Variants in ZNF385B observed in about 807,000 individuals in gnomAD.
ZNF385B encodes the protein zinc finger protein 533.
Under a neutral mutation model 39.2 loss-of-function variants are expected in ZNF385B, and 23 were observed. The ratio of observed to expected loss-of-function variants is 0.59; its 90% CI spans 0.42 to 0.83. ZNF385B has a LOEUF of 0.83. Ranked by LOEUF, ZNF385B falls within the 40% of genes least tolerant of loss-of-function variation. The pLI, the probability that ZNF385B is intolerant of heterozygous loss-of-function variation, is 0.00. For missense variants in ZNF385B, 552 were observed against 598.9 expected (o/e 0.92, Z 0.82); for synonymous variants, 205 against 222.6 (o/e 0.92, Z 0.70).
At chr2:179,618,518 A>G (rs934814469) in intron 3 of ZNF385B, among the ~76,000 whole-genome samples, 1 of 152,136 alleles carries the variant, frequency 6.6e-6, no homozygotes, top group Admixed American at 6.6e-5. Context: ...ATAGTTCCTT[A>G]TCTCATTTTC....
chr2:179,601,282 G>A (rs1688389965), intron 3 of ZNF385B, among the ~76,000 whole-genome samples: 1 of 152,126 alleles, frequency 6.6e-6, no homozygotes, highest in Admixed American at 6.6e-5. Flanking sequence ...GCTGGGTGAA[G>A]CAAGAATGAG....
intron 3 of ZNF385B, among the ~76,000 whole-genome samples, chr2:179,583,132 T>C (rs898408483): frequency 1.3e-5 from 2 of 152,134 alleles, no homozygotes; most frequent in Admixed American, 6.6e-5. Flanking sequence ...CATGACCTTC[T>C]TCACCCTGTC....
At chr2:179,800,587 T>G (rs1371680565) in intron 1 of ZNF385B, among the ~76,000 whole-genome samples, 2 of 152,148 alleles carry the variant, frequency 1.3e-5, no homozygotes, top group Non-Finnish European at 2.9e-5. Flanking sequence ...GCCTATTATT[T>G]TCTTCTTTTC....
intron 1 of ZNF385B, among the ~76,000 whole-genome samples, chr2:179,821,150 G>A (rs1707371938): frequency 6.6e-6 from 1 of 152,070 alleles, no homozygotes; most frequent in African/African-American, 2.4e-5. Flanking sequence ...GCTGACCAGT[G>A]GACACAAACT....
chr2:179,648,042 T>C (rs559906882), intron 3 of ZNF385B, among the ~76,000 whole-genome samples: 1 of 151,156 alleles, frequency 6.6e-6, no homozygotes, highest in African/African-American at 2.4e-5. Context: ...GCATGGGGAG[T>C]CAGGGCCTCC....
At chr2:179,710,310 T>C (rs915500016) in intron 3 of ZNF385B, among the ~76,000 whole-genome samples, 16 of 152,066 alleles carry the variant, frequency 1.1e-4, no homozygotes, top group Middle Eastern at 3.4e-3. Flanking sequence ...GAAACCTCTA[T>C]TGCCCTTGCC....
intron 3 of ZNF385B, among the ~76,000 whole-genome samples, chr2:179,688,015 G>A (rs545892562): frequency 1.3e-5 from 2 of 152,110 alleles, no homozygotes; most frequent in African/African-American, 4.8e-5. Context: ...TTGAACATTA[G>A]GGTGGTCTTT....
chr2:179,632,498 T>A (rs926365531), intron 3 of ZNF385B, among the ~76,000 whole-genome samples: 3 of 152,016 alleles, frequency 2.0e-5, no homozygotes, highest in African/African-American at 7.2e-5. Context: ...GTTTTTTGAA[T>A]CCAATGAGAA....
chr2:179,695,984 T>G (rs946180824), intron 3 of ZNF385B, among the ~76,000 whole-genome samples: 1 of 152,228 alleles, frequency 6.6e-6, no homozygotes, highest in African/African-American at 2.4e-5. Flanking sequence ...CTTAAAAGCC[T>G]TACGCTAAAT....
At chr2:179,790,065 C>A (rs1043339860) in intron 1 of ZNF385B, among the ~76,000 whole-genome samples, 1 of 152,142 alleles carries the variant, frequency 6.6e-6, no homozygotes, top group East Asian at 1.9e-4. Flanking sequence ...ATGTAAGATT[C>A]TTGATTAGCT....
chr2:179,544,042 C>A (rs2060080962), intron 4 of ZNF385B, among the ~76,000 whole-genome samples: 1 of 152,222 alleles, frequency 6.6e-6, no homozygotes. Flanking sequence ...AACAATCAAG[C>A]AGACAATGTA....
chr2:179,501,241 T>C (rs750748439), intron 5 of ZNF385B, among the ~76,000 whole-genome samples: 30 of 152,196 alleles, frequency 2.0e-4, no homozygotes, highest in Non-Finnish European at 2.9e-5. Flanking sequence ...TTGCTGGGTA[T>C]ATACCCAAAA....
intron 3 of ZNF385B, among the ~76,000 whole-genome samples, chr2:179,567,485 C>G (rs2105984021): frequency 6.6e-6 from 1 of 152,210 alleles, no homozygotes; most frequent in East Asian, 1.9e-4. Context: ...CAATTAGAGA[C>G]TAATACAAAG....
At chr2:179,792,375 C>CTTTTTTTTTTTTTTTTTTT (rs374147864) in intron 1 of ZNF385B, among the ~76,000 whole-genome samples, 21 of 124,122 alleles carry the variant, frequency 1.7e-4, no homozygotes, top group African/African-American at 6.6e-4. Context: ...ATTTTCTTTT[C>CTTTTTTTTTTTTTTTTTTT]TTTTTTTTTT....
intron 4 of ZNF385B, among the ~76,000 whole-genome samples, chr2:179,539,961 C>A (rs888019289): frequency 2.6e-5 from 4 of 152,126 alleles, no homozygotes; most frequent in African/African-American, 9.7e-5. Flanking sequence ...AAACCCAACA[C>A]TCTTTATTAC....
chr2:179,589,254 A>G (rs943329707), intron 3 of ZNF385B, among the ~76,000 whole-genome samples: 1 of 152,192 alleles, frequency 6.6e-6, no homozygotes, highest in Non-Finnish European at 1.5e-5. Flanking sequence ...TAGCTGCTCA[A>G]TGGCATACAT....
intron 1 of ZNF385B, among the ~76,000 whole-genome samples, chr2:179,784,065 A>T (rs544927348): frequency 6.6e-6 from 1 of 152,294 alleles, no homozygotes; most frequent in African/African-American, 2.4e-5. Flanking sequence ...AAGACATGGA[A>T]TTAACCTAAA....
At chr2:179,695,741 T>C (rs754797125) in intron 3 of ZNF385B, among the ~76,000 whole-genome samples, 8 of 152,344 alleles carry the variant, frequency 5.3e-5, no homozygotes, top group African/African-American at 7.2e-5. Context: ...GCAGTACTAC[T>C]GTGAATGCAA....
chr2:179,673,385 C>T (rs936107452), intron 3 of ZNF385B, among the ~76,000 whole-genome samples: 11 of 151,908 alleles, frequency 7.2e-5, no homozygotes, highest in African/African-American at 2.7e-4. Flanking sequence ...TCACAAATCT[C>T]TTAATTAAAG....
Sources: allele counts gnomAD v4.1 joint callset (sites outside exome capture counted in the v4.1 genomes callset), GRCh38; gene constraint gnomAD v4.1.1; transcripts MANE v1.5; gene names NCBI Gene and HGNC (gene_info 2026-07-23, HGNC 2026-07-21).